Variants in SCAI observed in about 807,000 individuals in gnomAD.
The protein encoded by SCAI is protein SCAI.
In SCAI, 24 loss-of-function variants were observed where a neutral mutation model predicts 92.2. The ratio of observed to expected loss-of-function variants is 0.26; its 90% confidence interval spans 0.19 to 0.37. The LOEUF (loss-of-function observed/expected upper bound fraction) is 0.37. Among genes scored for constraint, SCAI ranks in the 10% least tolerant of loss-of-function variants. The probability of loss-of-function intolerance (pLI) is 1.00; values close to 1 mark genes in which losing one functional copy is unlikely to be tolerated. For synonymous variants in SCAI, 261 were observed against 258.6 expected, an observed-to-expected ratio of 1.01 and a Z score of -0.09; for missense variants, 450 against 736.2, an observed-to-expected ratio of 0.61 and a Z score of 4.50.
chr9:125,077,970 C>CT (rs987322468), intron 2 of SCAI, among the ~76,000 whole-genome samples: 7 of 151,990 alleles, frequency 4.6e-5, no homozygotes, highest in African/African-American at 7.2e-5. Context: ...CCACACCCCC[C>CT]CCGCCTCCCA....
At chr9:125,083,225 T>C (rs532034475) in intron 2 of SCAI, among the ~76,000 whole-genome samples, 12 of 152,120 alleles carry the variant, frequency 7.9e-5, no homozygotes, top group Non-Finnish European at 1.5e-4. Flanking sequence ...CCATGTAAGA[T>C]GTGACTTGCA....
intron 6 of SCAI, among the ~76,000 whole-genome samples, chr9:125,023,149 C>T (rs914737442): frequency 3.9e-5 from 6 of 152,100 alleles, no homozygotes; most frequent in African/African-American, 1.4e-4. Flanking sequence ...CCCATCAAAT[C>T]GATGTTTTAG....
intron 4 of SCAI, among the ~76,000 whole-genome samples, chr9:125,029,249 GT>G (rs1339159722): frequency 6.6e-6 from 1 of 151,974 alleles, no homozygotes; most frequent in Non-Finnish European, 1.5e-5. Flanking sequence ...AGCCTCCTAA[GT>G]AGCTGGGATT....
chr9:125,046,316 TACAC>T (rs201429484), intron 3 of SCAI, among the ~76,000 whole-genome samples: 20,331 of 70,662 alleles, frequency 0.29, 3,426 homozygotes, highest in Middle Eastern at 0.44. Context: ...CATATATATA[TACAC>T]ACACACACAC....
At chr9:125,065,869 T>C (rs1349799286) in intron 2 of SCAI, 3 of 603,098 alleles carry the variant, frequency 5.0e-6, no homozygotes, top group Admixed American at 7.1e-5. Context: ...TCACATTTGG[T>C]AAAATTTAAC....
intron 3 of SCAI, among the ~76,000 whole-genome samples, chr9:125,032,909 G>A (rs901652678): frequency 1.3e-5 from 2 of 152,064 alleles, no homozygotes; most frequent in African/African-American, 4.8e-5. Context: ...GAGCCACTGC[G>A]CCCAGCCTAC....
chr9:125,124,428 T>G (rs1835220496), intron 2 of SCAI, among the ~76,000 whole-genome samples: 1 of 152,186 alleles, frequency 6.6e-6, no homozygotes, highest in African/African-American at 2.4e-5. Context: ...TCTAAAGGCC[T>G]GAGAACCAAG....
chr9:124,959,292 G>GAA (rs371851172), intron 17 of SCAI, among the ~76,000 whole-genome samples: 2,258 of 128,362 alleles, frequency 0.018, 61 homozygotes, highest in African/African-American at 0.058. Context: ...CATTTCAAAT[G>GAA]AAAAAAAAAA....
chr9:125,040,838 T>C (rs1488720331), intron 3 of SCAI, among the ~76,000 whole-genome samples: 1 of 152,010 alleles, frequency 6.6e-6, no homozygotes, highest in African/African-American at 2.4e-5. Context: ...TTTCACCATA[T>C]TGGCCAGGCT....
At chr9:125,032,196 T>TATATATATA (rs1491338051) in intron 3 of SCAI, among the ~76,000 whole-genome samples, 16 of 65,548 alleles carry the variant, frequency 2.4e-4, no homozygotes, top group Admixed American at 1.1e-3. Context: ...TATATATATA[T>TATATATATA]TTTTTTTTTT....
chr9:124,961,463 A>C (rs1765808808), intron 17 of SCAI, among the ~76,000 whole-genome samples: 1 of 151,928 alleles, frequency 6.6e-6, no homozygotes, highest in African/African-American at 2.4e-5. Context: ...CAGCCTGGCC[A>C]ATATGGTGAA....
At chr9:125,121,281 A>G (rs910699633) in intron 2 of SCAI, among the ~76,000 whole-genome samples, 2 of 148,396 alleles carry the variant, frequency 1.3e-5, no homozygotes, top group African/African-American at 5.0e-5. Flanking sequence ...AGAGAACAAT[A>G]GATGACATAC....
intron 2 of SCAI, among the ~76,000 whole-genome samples, chr9:125,084,935 C>A (rs1834296580): frequency 6.6e-6 from 1 of 152,144 alleles, no homozygotes; most frequent in South Asian, 2.1e-4. Flanking sequence ...AAGTCCAGGT[C>A]CCAATTGTTC....
Position 124,944,026 on chromosome 9 carries a change from T to C in SCAI, c.*8781A>G, listed in dbSNP as rs939935655. The stretch of plus-strand genomic sequence containing the variant: ...AATGTTAGGACTTTGTATTTGCCTT[T>C]CCTATTATCTAAGATGTTTCTACCT... On this transcript the variant is annotated 3_prime_UTR_variant, in exon 18 of 18. Coordinates refer to ENST00000336505, the MANE Select transcript of SCAI (RefSeq NM_001144877.3). 2.0e-5 allele frequency: 3 copies of C among 152,230 alleles called. No homozygotes were observed. The highest frequency in any genetic ancestry group is 7.2e-5 in the African/African-American group (3 of 41,456). The allele number at this position is 152,230 out of a possible 1,614,324, so 9.4% of individuals were successfully genotyped here. A position where few individuals can be genotyped will look rare whatever the true frequency, so the allele number is the denominator to read the frequency against.
At chr9:124,999,439 C>T (rs1321054609) in intron 13 of SCAI, among the ~76,000 whole-genome samples, 1 of 151,942 alleles carries the variant, frequency 6.6e-6, no homozygotes, top group Non-Finnish European at 1.5e-5. Context: ...TCTTGTAATC[C>T]TAGCACTTTG....
intron 2 of SCAI, among the ~76,000 whole-genome samples, chr9:125,090,396 G>A (rs1213579092): frequency 6.6e-6 from 1 of 151,634 alleles, no homozygotes; most frequent in Non-Finnish European, 1.5e-5. Context: ...ATGAGGAAGA[G>A]GAAGGAGGAT....
At chr9:125,076,922 G>A (rs932904281) in intron 2 of SCAI, among the ~76,000 whole-genome samples, 6 of 152,170 alleles carry the variant, frequency 3.9e-5, no homozygotes, top group African/African-American at 9.6e-5. Context: ...GGTTGGTCTC[G>A]AACTCCTGAC....
At chr9:124,973,131 T>A (rs758127110) in intron 15 of SCAI, among the ~76,000 whole-genome samples, 8 of 152,232 alleles carry the variant, frequency 5.3e-5, no homozygotes, top group Non-Finnish European at 1.2e-4. Flanking sequence ...CGTATACACA[T>A]AACCTAAAGG....
chr9:125,136,784 T>C (rs7024555), intron 2 of SCAI, among the ~76,000 whole-genome samples: 3,354 of 146,594 alleles, frequency 0.023, 140 homozygotes, highest in African/African-American at 0.082. Context: ...TTTTTTTTTT[T>C]TTGAGACGAA....
Sources: gnomAD v4.1 joint callset for allele counts (sites outside exome capture counted in the v4.1 genomes callset) on GRCh38, gnomAD v4.1.1 for gene constraint, MANE v1.5 for transcripts, NCBI Gene and HGNC (gene_info 2026-07-23, HGNC 2026-07-21) for gene names.